Variants in TAF3 observed in about 807,000 individuals in gnomAD.
TAF3 encodes transcription initiation factor TFIID subunit 3.
A neutral mutation model predicts 80.6 loss-of-function variants in TAF3; 7 were observed. That is an observed-to-expected ratio of 0.09 (90% CI 0.05 to 0.16). The LOEUF is 0.16. Ranked by LOEUF, TAF3 falls within the 10% of genes least tolerant of loss-of-function variation. TAF3 has a pLI of 1.00. For missense variants in TAF3, 921 were observed against 1,140.2 expected (o/e 0.81, Z 2.77); for synonymous variants, 444 against 446.1 (o/e 1.00, Z 0.06).
intron 2 of TAF3, among the ~76,000 whole-genome samples, chr10:7,839,107 C>T (rs1836884525): frequency 6.6e-6 from 1 of 151,890 alleles, no homozygotes; most frequent in African/African-American, 2.4e-5. Flanking sequence ...TTACTTGCCC[C>T]TCGTTGCTTC....
intron 2 of TAF3, among the ~76,000 whole-genome samples, chr10:7,909,694 C>T (rs1837638900): frequency 6.6e-6 from 1 of 152,200 alleles, no homozygotes; most frequent in African/African-American, 2.4e-5. Flanking sequence ...ATGGCAGATA[C>T]TTTCTTAGGC....
At chr10:7,945,125 C>T (rs781009187) in intron 2 of TAF3, among the ~76,000 whole-genome samples, 5 of 152,120 alleles carry the variant, frequency 3.3e-5, no homozygotes, top group African/African-American at 1.2e-4. Context: ...CAGCCTTTCC[C>T]GATGCACAGT....
intron 2 of TAF3, among the ~76,000 whole-genome samples, chr10:7,913,656 G>C (rs988664756): frequency 6.6e-6 from 1 of 152,142 alleles, no homozygotes; most frequent in Non-Finnish European, 1.5e-5. Flanking sequence ...ATGCAATGTG[G>C]TCGCTGTGCC....
chr10:7,824,754 A>G (rs921770428), intron 2 of TAF3, among the ~76,000 whole-genome samples, 194 bp downstream of exon 2: 5 of 152,244 alleles, frequency 3.3e-5, no homozygotes, highest in Admixed American at 3.3e-4. Flanking sequence ...CGGTGTAATC[A>G]AGGTCATGTC....
At chr10:7,876,315 G>A (rs1036712079) in intron 2 of TAF3, among the ~76,000 whole-genome samples, 2 of 152,116 alleles carry the variant, frequency 1.3e-5, no homozygotes, top group Non-Finnish European at 2.9e-5. Flanking sequence ...CAATACTTTA[G>A]CTTCACATTT....
At chr10:7,943,811 G>A (rs1289146356) in intron 2 of TAF3, among the ~76,000 whole-genome samples, 1 of 152,114 alleles carries the variant, frequency 6.6e-6, no homozygotes, top group Non-Finnish European at 1.5e-5. Flanking sequence ...AATGAATTTG[G>A]AATTACTGTC....
chr10:7,949,049 C>T (rs1033137787), intron 2 of TAF3, among the ~76,000 whole-genome samples: 6 of 152,216 alleles, frequency 3.9e-5, no homozygotes, highest in East Asian at 1.9e-4. Context: ...CAGCCGCTCT[C>T]GGGTCAACAG....
At chr10:7,866,839 TTTA>T (rs1837219485) in intron 2 of TAF3, among the ~76,000 whole-genome samples, 1 of 152,146 alleles carries the variant, frequency 6.6e-6, no homozygotes, top group Non-Finnish European at 1.5e-5. Flanking sequence ...AGAGAAGTGG[TTTA>T]TTAATTTGTT....
chr10:8,002,690 TC>T (rs1344942334), intron 4 of TAF3, among the ~76,000 whole-genome samples: 1 of 152,216 alleles, frequency 6.6e-6, no homozygotes, highest in Non-Finnish European at 1.5e-5. Context: ...TTTTTAAATG[TC>T]CATAGAGTCA....
At chr10:7,998,967 G>A (rs1352147961) in intron 4 of TAF3, among the ~76,000 whole-genome samples, 10 of 152,138 alleles carry the variant, frequency 6.6e-5, no homozygotes, top group Non-Finnish European at 8.8e-5. Flanking sequence ...AACCATTTCC[G>A]GAAAACAGAA....
At chr10:7,836,815 C>T (rs1050363861) in intron 2 of TAF3, among the ~76,000 whole-genome samples, 3 of 152,216 alleles carry the variant, frequency 2.0e-5, no homozygotes, top group African/African-American at 4.8e-5. Context: ...ATCCTCTAAA[C>T]GAAACTATTA....
intron 1 of TAF3, among the ~76,000 whole-genome samples, chr10:7,822,294 T>C (rs11255378): frequency 0.17 from 25,569 of 150,752 alleles, 2,589 homozygotes; most frequent in East Asian, 0.51. Flanking sequence ...GGTTAGAAAC[T>C]ACCAGGTTTT....
intron 2 of TAF3, chr10:7,833,911 G>C (rs75489070): frequency 3.1e-6 from 2 of 654,156 alleles, no homozygotes; most frequent in Non-Finnish European, 4.4e-6. Flanking sequence ...TGCACAGTGC[G>C]TGTGGAAGTG....
chr10:7,961,039 C>T (rs989588540), intron 2 of TAF3, among the ~76,000 whole-genome samples: 9 of 152,150 alleles, frequency 5.9e-5, no homozygotes, highest in Non-Finnish European at 2.9e-5. Flanking sequence ...TTCGGAAGAT[C>T]ACCGTAAGAC....
At chr10:7,887,457 C>T (rs1244338430) in intron 2 of TAF3, among the ~76,000 whole-genome samples, 4 of 152,138 alleles carry the variant, frequency 2.6e-5, no homozygotes, top group East Asian at 3.9e-4. Flanking sequence ...CGAGAGACTC[C>T]GGATGTAGCT....
chr10:7,923,483 A>G (rs777213671), intron 2 of TAF3, among the ~76,000 whole-genome samples: 3 of 151,844 alleles, frequency 2.0e-5, no homozygotes, highest in African/African-American at 4.8e-5. Flanking sequence ...TTCTTCCAGT[A>G]TGTGCCATAT....
chr10:7,946,658 G>A (rs1326372174), intron 2 of TAF3, among the ~76,000 whole-genome samples: 1 of 152,094 alleles, frequency 6.6e-6, no homozygotes, highest in Non-Finnish European at 1.5e-5. Context: ...AGGAGGTGGA[G>A]GCTGCAGTGA....
At chr10:7,934,554 C>T (rs997815695) in intron 2 of TAF3, among the ~76,000 whole-genome samples, 3 of 152,136 alleles carry the variant, frequency 2.0e-5, no homozygotes, top group African/African-American at 7.2e-5. Context: ...AAGCGATTCT[C>T]CTGCCTCAGC....
chr10:7,835,406 A>G (rs1836842549), intron 2 of TAF3, among the ~76,000 whole-genome samples: 1 of 152,182 alleles, frequency 6.6e-6, no homozygotes, highest in Admixed American at 6.5e-5. Context: ...GTTTTTGCGG[A>G]ATGTTCCAAA....
Sources: allele counts gnomAD v4.1 joint callset (sites outside exome capture counted in the v4.1 genomes callset), GRCh38; gene constraint gnomAD v4.1.1; transcripts MANE v1.5; gene names NCBI Gene and HGNC (gene_info 2026-07-23, HGNC 2026-07-21).